The following MGRN1 variants were observed in gnomAD, a reference collection of about 807,000 sequenced individuals.
MGRN1 encodes the protein mahogunin ring finger 1, also known as E3 ubiquitin-protein ligase MGRN1.
Under a neutral mutation model 69.2 loss-of-function variants are expected in MGRN1, and 29 were observed. The ratio of observed to expected loss-of-function variants is 0.42; its 90% CI spans 0.31 to 0.57. The LOEUF (loss-of-function observed/expected upper bound fraction) is 0.57, where lower values mean the gene tolerates loss of function less well. Among genes scored for constraint, MGRN1 ranks in the 20% least tolerant of loss-of-function variants. The probability of loss-of-function intolerance (pLI) is 0.15; values close to 1 mark genes in which losing one functional copy is unlikely to be tolerated. For synonymous variants in MGRN1, 470 were observed against 344.2 expected, an observed-to-expected ratio of 1.37 and a Z score of -4.04; for missense variants, 998 against 796.2, an observed-to-expected ratio of 1.25 and a Z score of -3.05.
intron 1 of MGRN1, among the ~76,000 whole-genome samples, chr16:4,629,191 TGAAAA>T (rs1897864938): frequency 6.7e-6 from 1 of 148,898 alleles, no homozygotes; most frequent in Non-Finnish European, 1.5e-5. Flanking sequence ...TGTGTGTGTG[TGAAAA>T]GTGTCTATTT....
At chr16:4,657,488 C>G in intron 5 of MGRN1, 125 bp downstream of exon 5, 2 of 907,634 alleles carry the variant, frequency 2.2e-6, no homozygotes, top group South Asian at 3.0e-5. Flanking sequence ...CTGGGAACGG[C>G]CGCCCCAGTC....
intron 1 of MGRN1, chr16:4,634,548 T>C (rs1052013628): frequency 2.0e-5 from 3 of 152,622 alleles, no homozygotes; most frequent in African/African-American, 7.2e-5. Flanking sequence ...GCCTGACTTG[T>C]GCTCGCTGAA....
intron 1 of MGRN1, among the ~76,000 whole-genome samples, chr16:4,638,950 A>G (rs1402496424): frequency 6.6e-6 from 1 of 151,992 alleles, no homozygotes; most frequent in Admixed American, 6.6e-5. Context: ...GTCTTCATTC[A>G]CATCCTGGCT....
intron 10 of MGRN1, 196 bp from the exon 11 acceptor site, chr16:4,677,266 TC>T (rs1043515366): frequency 1.3e-5 from 6 of 450,784 alleles, no homozygotes; most frequent in African/African-American, 1.2e-4. Context: ...CTTCTTTCTT[TC>T]TTCCCCCATC....
At chr16:4,670,064 A>T (rs1218233509) in intron 8 of MGRN1, among the ~76,000 whole-genome samples, 9 of 151,786 alleles carry the variant, frequency 5.9e-5, no homozygotes, top group African/African-American at 1.7e-4. Context: ...TTTTAATTTT[A>T]ATTTTATTTT....
rs1481330575 is a variant in MGRN1 at position 4,688,786 on chromosome 16, C to T, written c.1619-10C>T. On this transcript the variant is annotated splice_polypyrimidine_tract_variant and intron_variant, in intron 16 of 16. Coordinates refer to ENST00000262370, the MANE Select transcript of MGRN1 (RefSeq NM_015246.4). ...GAGTGTGACCCTCCTCCCTCTGCTCCCACCTGCAGGACGGCCCACCTCCAT... is the reference window on the plus strand; with the variant it reads ...GAGTGTGACCCTCCTCCCTCTGCTCTCACCTGCAGGACGGCCCACCTCCAT... The T allele has an allele frequency of 1.3e-6, 2 of 1,537,874 alleles. No homozygotes were observed. Among genetic ancestry groups the T allele is most frequent in the African/African-American group, 2.7e-5 (2 of 72,764 alleles).
In MGRN1 at chr16:4,631,796, T is replaced by C. The variant is rs75500920; in HGVS notation, c.88+6748T>C. On this transcript the variant is annotated intron_variant, in intron 1 of 16. Transcript: ENST00000262370. ...GCCTGCAATTTTGATAAGTATTACA[T>C]TGGATATATAAATCTATGTGGTGAG... is the stretch of plus-strand genomic sequence containing the variant. 2.6e-3 allele frequency among the ~76,000 whole-genome samples: 402 copies of C among 152,276 alleles called. 5 individuals carry two copies. The highest frequency in any genetic ancestry group is 0.01 in the Middle Eastern group (3 of 294).
rs715109 is a variant in MGRN1 at position 4,671,467 on chromosome 16, T to G, written c.795+8T>G. 1 of 1,613,512 alleles carries G rather than the reference T, an allele frequency of 6.2e-7. No individual in the cohort carries two copies. Among genetic ancestry groups the G allele is most frequent in the South Asian group, 1.1e-5 (1 of 91,066 alleles). On this transcript the variant is annotated splice_region_variant and intron_variant, in intron 9 of 16. Transcript: ENST00000262370. ...AACAACCAGGAGACCAAGGTGTGTA[T>G]CTGGGTGAGGTTTCCCTCTGCCATT...
intron 4 of MGRN1, 39 bp from the exon 5 acceptor site, chr16:4,657,207 C>G (rs777406431): frequency 6.3e-7 from 1 of 1,590,088 alleles, no homozygotes; most frequent in South Asian, 1.1e-5. Flanking sequence ...GGGCCCTCTT[C>G]CTGCCGCAGC....
intron 5 of MGRN1, chr16:4,663,979 C>T (rs2078742538): frequency 6.6e-6 from 1 of 152,372 alleles, no homozygotes; most frequent in African/African-American, 2.4e-5. Flanking sequence ...CCGGTGCCTT[C>T]TTCAGAAAGT....
intron 16 of MGRN1, chr16:4,687,962 G>GC: frequency 3.0e-6 from 3 of 985,632 alleles, no homozygotes; most frequent in Non-Finnish European, 3.6e-6. Flanking sequence ...CCCGGCCTGC[G>GC]CATCGGTGGA....
chr16:4,631,672 C>G (rs1184377350), intron 1 of MGRN1, among the ~76,000 whole-genome samples: 1 of 152,196 alleles, frequency 6.6e-6, no homozygotes, highest in East Asian at 1.9e-4. Flanking sequence ...CATAAGTTCT[C>G]CAACTTTGTT....
At chr16:4,660,723 C>T (rs1215662229) in intron 5 of MGRN1, among the ~76,000 whole-genome samples, 1 of 152,228 alleles carries the variant, frequency 6.6e-6, no homozygotes, top group Non-Finnish European at 1.5e-5. Context: ...GCCCTTGTGG[C>T]AGCAGTGTGG....
chr16:4,642,710 G>C (rs1014993287), intron 1 of MGRN1, among the ~76,000 whole-genome samples: 2 of 151,724 alleles, frequency 1.3e-5, no homozygotes, highest in Non-Finnish European at 2.9e-5. Flanking sequence ...CAAGTGATTT[G>C]CCTGCCCTGG....
Position 4,650,486 on chromosome 16 carries a change from G to A in MGRN1, c.207+3G>A, listed in dbSNP as rs758616047. The A allele has an allele frequency of 1.2e-6, 2 of 1,607,690 alleles. No individual in the cohort carries two copies. The highest frequency in any genetic ancestry group is 8.5e-7 in the Non-Finnish European group (1 of 1,176,418). ...TCCTGGGCAGCCGCCCGGTCCAGGT[G>A]GGTCTGGACAGGGCTGTCTCATGGG... On this transcript the variant is annotated splice_donor_region_variant and intron_variant, in intron 2 of 16. Transcript: ENST00000262370.
In MGRN1 at chr16:4,681,626, C is replaced by T. The variant is rs765127125; in HGVS notation, c.1208C>T (p.Pro403Leu). Reference sequence around the variant, plus strand: ...CTCAACGGCCTCCGGGCTGTCTCCCCGGCCATCCCCTCGGCCCCTCTTTAT... The same window carrying T: ...CTCAACGGCCTCCGGGCTGTCTCCCTGGCCATCCCCTCGGCCCCTCTTTAT... ...EALNGLRAVS[P>L]AIPSAPLYEE... Residue 403 changes from proline to leucine, a missense_variant, in exon 13 of 17, where the codon CCG (proline) becomes CTG (leucine). By Grantham distance (98) the Pro-to-Leu change is moderately conservative (BLOSUM62 -3). Coordinates refer to ENST00000262370, the MANE Select transcript of MGRN1 (RefSeq NM_015246.4). The T allele has an allele frequency of 2.0e-5, 33 of 1,613,400 alleles. No homozygotes were observed. The highest frequency in any genetic ancestry group is 4.5e-5 in the East Asian group (2 of 44,894).
At chr16:4,648,687 G>C (rs372596064) in intron 1 of MGRN1, among the ~76,000 whole-genome samples, 46 of 85,808 alleles carry the variant, frequency 5.4e-4, no homozygotes, top group African/African-American at 2.3e-3. Context: ...GGTCACCCGG[G>C]TCCTCCTCCC....
intron 16 of MGRN1, chr16:4,687,294 A>G: frequency 1.0e-6 from 1 of 985,208 alleles, no homozygotes; most frequent in Non-Finnish European, 1.2e-6. Flanking sequence ...TCGCACCTAT[A>G]AGCCCGGTAC....
chr16:4,642,400 C>T (rs549447097), intron 1 of MGRN1, among the ~76,000 whole-genome samples: 86 of 151,844 alleles, frequency 5.7e-4, no homozygotes, highest in African/African-American at 2.0e-3. Context: ...TGAGTTCAAG[C>T]GATTCTCCTG....
Sources: gnomAD v4.1 joint callset for allele counts (sites outside exome capture counted in the v4.1 genomes callset) on GRCh38, gnomAD v4.1.1 for gene constraint, MANE v1.5 for transcripts, NCBI Gene and HGNC (gene_info 2026-07-23, HGNC 2026-07-21) for gene names.